Variants in ASIC2 observed in about 807,000 individuals in gnomAD.
ASIC2 encodes the protein acid-sensing ion channel 2.
In ASIC2, 25 loss-of-function variants were observed where a neutral mutation model predicts 57.3. The ratio of observed to expected loss-of-function variants is 0.44; its 90% confidence interval spans 0.32 to 0.61. The LOEUF is 0.61. Among genes scored for constraint, ASIC2 ranks in the 20% least tolerant of loss-of-function variants. ASIC2 has a pLI of 0.06. For synonymous variants in ASIC2, 319 were observed against 307.5 expected (o/e 1.04, Z -0.39); for missense variants, 641 against 738.1 (o/e 0.87, Z 1.52).
intron 3 of ASIC2, among the ~76,000 whole-genome samples, chr17:33,040,861 G>C (rs2091927016): frequency 6.6e-6 from 1 of 152,164 alleles, no homozygotes; most frequent in Non-Finnish European, 1.5e-5. Flanking sequence ...ACAGGAGTGG[G>C]GGTGCGCCCT....
At chr17:34,090,659 G>T (rs1039964175) in intron 1 of ASIC2, among the ~76,000 whole-genome samples, 11 of 152,280 alleles carry the variant, frequency 7.2e-5, no homozygotes, top group African/African-American at 2.6e-4. Context: ...TACTTAAGGT[G>T]GACTAAGACA....
intron 1 of ASIC2, among the ~76,000 whole-genome samples, chr17:34,095,659 T>TTATATATATATATATATAATTTTATA (rs200777326): frequency 3.2e-5 from 3 of 93,100 alleles, no homozygotes; most frequent in African/African-American, 1.7e-4. Flanking sequence ...ATATATAATT[T>TTATATATATATATATATAATTTTATA]TATATATATA....
chr17:33,344,812 A>G (rs998586517), intron 1 of ASIC2, among the ~76,000 whole-genome samples: 3 of 152,096 alleles, frequency 2.0e-5, no homozygotes, highest in Non-Finnish European at 4.4e-5. Context: ...GACAGAGACC[A>G]TGTCTTAGCT....
chr17:33,667,160 T>C (rs111317179), intron 1 of ASIC2, among the ~76,000 whole-genome samples: 19 of 152,244 alleles, frequency 1.2e-4, no homozygotes, highest in African/African-American at 4.6e-4. Flanking sequence ...AAACCACCTA[T>C]TGGATGCACA....
chr17:33,209,608 C>A (rs1441663708), intron 1 of ASIC2, among the ~76,000 whole-genome samples: 1 of 152,242 alleles, frequency 6.6e-6, no homozygotes, highest in Non-Finnish European at 1.5e-5. Flanking sequence ...GGGGCCAAAA[C>A]TGCCACCGCT....
At chr17:33,066,929 C>T (rs2092045826) in intron 3 of ASIC2, among the ~76,000 whole-genome samples, 1 of 152,124 alleles carries the variant, frequency 6.6e-6, no homozygotes, top group Non-Finnish European at 1.5e-5. Context: ...GATTACAGGG[C>T]AGTAAGTAGT....
chr17:33,256,936 T>C (rs1281533732), intron 1 of ASIC2, among the ~76,000 whole-genome samples: 1 of 152,100 alleles, frequency 6.6e-6, no homozygotes, highest in Non-Finnish European at 1.5e-5. Context: ...TGGGAGGTGA[T>C]AGTCAGACTT....
chr17:33,639,761 G>GAAAAAAAAAAA (rs3032192), intron 1 of ASIC2, among the ~76,000 whole-genome samples: 1 of 125,138 alleles, frequency 8.0e-6, no homozygotes. Context: ...CTCAGGTTAA[G>GAAAAAAAAAAA]AAAAAAAAAA....
chr17:33,151,166 AAC>A lies in ASIC2; in HGVS notation c.709-39101_709-39100del, dbSNP rs958668226. ...CATGGTGAAACCCCATCTCTACTAAAACACACACACACACGCACACACACACA... is the reference window on the plus strand; with the variant it reads ...CATGGTGAAACCCCATCTCTACTAAAACACACACACACGCACACACACACA... On this transcript the variant is annotated intron_variant, in intron 1 of 9. Coordinates refer to ENST00000225823, the MANE Select transcript of ASIC2 (RefSeq NM_183377.2). Among the ~76,000 whole-genome samples, 437 of 144,984 alleles carry A rather than the reference AAC, an allele frequency of 3.0e-3. 2 individuals carry two copies. The highest frequency in any genetic ancestry group is 0.01 in the African/African-American group (385 of 38,146).
chr17:33,063,963 G>A (rs2092031444), intron 3 of ASIC2, among the ~76,000 whole-genome samples: 1 of 152,150 alleles, frequency 6.6e-6, no homozygotes. Context: ...GGTTACTGAA[G>A]CTTGTGCATT....
At chr17:33,150,593 T>C (rs956863519) in intron 1 of ASIC2, among the ~76,000 whole-genome samples, 4 of 152,130 alleles carry the variant, frequency 2.6e-5, no homozygotes, top group African/African-American at 9.7e-5. Flanking sequence ...TTCATGCCTG[T>C]AATCCCAGCA....
At chr17:33,153,120 G>A (rs1412645106) in intron 1 of ASIC2, among the ~76,000 whole-genome samples, 2 of 152,194 alleles carry the variant, frequency 1.3e-5, no homozygotes, top group Non-Finnish European at 2.9e-5. Context: ...CAGATGGGAT[G>A]GTCATCCCCA....
rs1026913562 is a variant in ASIC2, at chr17:33,838,962, T to G, written c.555+317016A>C. On this transcript the variant is annotated intron_variant, in intron 1 of 9. Coordinates refer to the ASIC2 transcript ENST00000359872. The stretch of plus-strand genomic sequence containing the variant: ...ACCTGAGGATATTTCCAGTCTAATT[T>G]TGTAGGTGTAAGGAGGGGCCCAAGA... Among the ~76,000 whole-genome samples, 4 of 152,298 alleles carry G rather than the reference T, an allele frequency of 2.6e-5. No individual in the cohort carries two copies. The South Asian group carries it at 8.3e-4, about 32-fold the overall frequency.
At chr17:33,458,058 C>T (rs1265563167) in intron 1 of ASIC2, among the ~76,000 whole-genome samples, 3 of 140,196 alleles carry the variant, frequency 2.1e-5, no homozygotes, top group South Asian at 2.4e-4. Flanking sequence ...TTGCTGAAGT[C>T]GTCATAGCTG....
rs534236819 is a variant in ASIC2 at position 33,672,838 on chromosome 17, C to T, written c.555+483140G>A. Among the ~76,000 whole-genome samples the T allele has an allele frequency of 6.6e-5, 10 of 152,298 alleles. No individual in the cohort carries two copies. In the East Asian group the frequency reaches 7.7e-4, roughly 12 times the overall value. On this transcript the variant is annotated intron_variant, in intron 1 of 9. Transcript: ENST00000359872. ...CGCCTGCAGAAATGACTGGAACATA[C>T]GGCAGAGCCTCTGTGGACAAGTCAC...
chr17:33,974,096 C>T lies in ASIC2; in HGVS notation c.555+181882G>A, dbSNP rs575678463. 7.9e-5 allele frequency among the ~76,000 whole-genome samples: 12 copies of T among 152,176 alleles called. No homozygotes were observed. In the South Asian group the frequency reaches 1.9e-3, roughly 24 times the overall value. ...CAGTTTCTTCAGCTGGGAAATGGGACGATTCTGTGAGATGCTTTCTTAGGT... is the reference window on the plus strand; with the variant it reads ...CAGTTTCTTCAGCTGGGAAATGGGATGATTCTGTGAGATGCTTTCTTAGGT... On this transcript the variant is annotated intron_variant, in intron 1 of 9. Coordinates refer to the ASIC2 transcript ENST00000359872.
At chr17:33,997,488 T>C (rs1041060346) in intron 1 of ASIC2, among the ~76,000 whole-genome samples, 3 of 152,144 alleles carry the variant, frequency 2.0e-5, no homozygotes, top group Admixed American at 1.3e-4. Context: ...TTTTTCATCA[T>C]TGAATACAAT....
At chr17:33,226,101 A>G (rs1907870449) in intron 1 of ASIC2, among the ~76,000 whole-genome samples, 1 of 152,108 alleles carries the variant, frequency 6.6e-6, no homozygotes, top group Admixed American at 6.5e-5. Flanking sequence ...GCCTGTGTGA[A>G]CCCCACACAA....
intron 1 of ASIC2, chr17:34,003,003 A>G (rs867726515): frequency 6.6e-6 from 1 of 152,260 alleles, no homozygotes; most frequent in Non-Finnish European, 1.5e-5. Context: ...AATGATGCCT[A>G]TCAGAGACAA....
Sources: gnomAD v4.1 joint callset for allele counts (sites outside exome capture counted in the v4.1 genomes callset) on GRCh38, gnomAD v4.1.1 for gene constraint, MANE v1.5 for transcripts, NCBI Gene and HGNC (gene_info 2026-07-23, HGNC 2026-07-21) for gene names.